Variants in TBC1D25 observed in about 807,000 individuals in gnomAD.
TBC1D25 encodes TBC1 domain family member 25.
Under a neutral mutation model 38.8 loss-of-function variants are expected in TBC1D25, and 13 were observed. The observed-to-expected ratio is 0.34, with a 90% CI of 0.22 to 0.53. The LOEUF (loss-of-function observed/expected upper bound fraction) is 0.53, where lower values mean the gene tolerates loss of function less well. Ranked by LOEUF, TBC1D25 falls within the 20% of genes least tolerant of loss-of-function variation. TBC1D25 has a pLI of 0.94. For missense variants in TBC1D25, 372 were observed against 600.0 expected, an observed-to-expected ratio of 0.62 and a Z score of 3.97; for synonymous variants, 225 against 255.6, an observed-to-expected ratio of 0.88 and a Z score of 1.14.
Position 48,559,949 on chromosome X carries a change from T to C in TBC1D25, c.1041T>C (p.His347=). The change falls in exon 6 of 6, where the codon CAT becomes CAC. Residue 347 remains histidine, a synonymous_variant. Transcript: ENST00000376771. ...CACCCATCCTCGCTGTCATGGACCA[T>C]GAGGGCCATGCCTTTGTTTGCTTTT... is the stretch of plus-strand genomic sequence containing the variant. ...LASPILAVMD[H]EGHAFVCFCG... 8.3e-7 allele frequency: 1 copy of C among 1,211,533 alleles called. No homozygotes were observed. The highest frequency in any genetic ancestry group is 1.1e-6 in the Non-Finnish European group (1 of 895,417).
chrX:48,549,746 C>G (rs1217506565), intron 3 of TBC1D25, among the ~76,000 whole-genome samples: 3 of 112,411 alleles, frequency 2.7e-5, no homozygotes, highest in Non-Finnish European at 5.6e-5. Context: ...AGTGATCCAC[C>G]TGCCTGGGCC....
chrX:48,555,104 T>C (rs1338777388), intron 3 of TBC1D25, among the ~76,000 whole-genome samples: 2 of 110,900 alleles, frequency 1.8e-5, no homozygotes, highest in Admixed American at 1.9e-4. Flanking sequence ...TTGGCGGTGG[T>C]TTGGACCTGG....
In TBC1D25 at chrX:48,560,074, C is replaced by G. The variant is rs1556985682; in HGVS notation, c.1166C>G (p.Pro389Arg). The change falls in exon 6 of 6, where the codon CCT (proline) becomes CGT (arginine). Residue 389 changes from proline to arginine, a missense_variant. Physicochemically the swap from Pro to Arg is moderately radical, Grantham distance 103 (BLOSUM62 -2). This residue lies in a region of TBC1D25 where 312 missense variants were observed against 549.3 expected (regional missense o/e 0.57). Coordinates refer to ENST00000376771, the MANE Select transcript of TBC1D25 (RefSeq NM_002536.4). ...HLKLLLRHAD[P>R]DFYQYLQEAG... ...AAGCTGTTGCTGCGACACGCTGACC[C>G]TGACTTTTATCAATACCTGCAAGAG... The G allele has an allele frequency of 8.3e-7, 1 of 1,209,862 alleles. No homozygotes were observed. The highest frequency in any genetic ancestry group is 1.1e-6 in the Non-Finnish European group (1 of 894,403).
intron 1 of TBC1D25, among the ~76,000 whole-genome samples, chrX:48,541,043 A>T (rs2061834751): frequency 9.0e-6 from 1 of 111,684 alleles, no homozygotes; most frequent in Non-Finnish European, 1.9e-5. Context: ...GAAGCAGGGG[A>T]GTGTTGTAGG....
intron 2 of TBC1D25, among the ~76,000 whole-genome samples, chrX:48,542,505 G>C (rs1318765583): frequency 1.2e-5 from 1 of 80,206 alleles, no homozygotes; most frequent in Non-Finnish European, 2.4e-5. Flanking sequence ...TTTTTTTTTT[G>C]GAGACAGAGT....
rs113385415 is a variant in TBC1D25, at chrX:48,543,610, C to T, written c.234-1259C>T. 2.4e-3 allele frequency among the ~76,000 whole-genome samples: 252 copies of T among 105,887 alleles called. 2 individuals carry two copies. The highest frequency in any genetic ancestry group is 8.2e-3 in the African/African-American group (239 of 29,198). 92.0% of individuals were successfully genotyped at this position (105,887 alleles called of 115,157 possible). On this transcript the variant is annotated intron_variant, in intron 2 of 5. Transcript: ENST00000376771. Reference sequence around the variant, plus strand: ...TTATCAATTTATGATCTCAGCCGGGCGCTGTGGCTCATGCCTGTAATCCCA... The same window carrying T: ...TTATCAATTTATGATCTCAGCCGGGTGCTGTGGCTCATGCCTGTAATCCCA...
At position 48,558,966 on chromosome X, in the gene TBC1D25, A is replaced by G; in HGVS notation, c.458A>G (p.Glu153Gly). 1 of 1,211,754 alleles carries G rather than the reference A, an allele frequency of 8.3e-7. No individual in the cohort carries two copies. Residue 153 changes from glutamate to glycine, a missense_variant, in exon 4 of 6, where the codon GAG (glutamate) becomes GGG (glycine). Glu to Gly is a moderately conservative substitution (Grantham distance 98). Transcript: ENST00000376771. ...DVIGSDVLLA[E>G]KRSSLTTAAL... is the part of the protein sequence containing the mutation. ...ATTGGCTCCGACGTGTTGCTGGCTG[A>G]GAAACGGTCATCACTGACGACTGCC...
intron 3 of TBC1D25, among the ~76,000 whole-genome samples, chrX:48,548,928 A>G (rs1189779347): frequency 1.8e-5 from 2 of 112,767 alleles, no homozygotes; most frequent in African/African-American, 6.4e-5. Flanking sequence ...TGAAAGCAAC[A>G]GACATGTTGG....
intron 5 of TBC1D25, 58 bp downstream of exon 5, chrX:48,559,404 G>A (rs2062002537): frequency 2.6e-6 from 3 of 1,151,812 alleles, no homozygotes; most frequent in Non-Finnish European, 3.5e-6. Context: ...AACAGCTCCT[G>A]AGACACATGC....
At chrX:48,548,501 T>G (rs2061904788) in intron 3 of TBC1D25, among the ~76,000 whole-genome samples, 1 of 112,392 alleles carries the variant, frequency 8.9e-6, no homozygotes, top group Admixed American at 9.5e-5. Flanking sequence ...ACTGTTCTTT[T>G]TATTTAATAA....
chrX:48,540,027 G>A, intron 1 of TBC1D25, 107 bp downstream of exon 1: 1 of 917,802 alleles, frequency 1.1e-6, no homozygotes. Context: ...GACATAACCT[G>A]AGCGGCGAAG....
Position 48,544,981 on chromosome X carries a change from C to G in TBC1D25, c.346C>G (p.Pro116Ala), listed in dbSNP as rs782786638. 38 of 1,210,147 alleles carry G rather than the reference C, an allele frequency of 3.1e-5. No homozygotes were observed. Among genetic ancestry groups the G allele is most frequent in the Non-Finnish European group, 3.6e-5 (32 of 895,258 alleles). Residue 116 changes from proline to alanine, a missense_variant, in exon 3 of 6, where the codon CCT (proline) becomes GCT (alanine). Physicochemically the swap from Pro to Ala is conservative, Grantham distance 27 (BLOSUM62 -1). Coordinates refer to ENST00000376771, the MANE Select transcript of TBC1D25 (RefSeq NM_002536.4). ...CACAGCCTTTGCCACTGCCTCCAAA[C>G]CTTACCTGCAATTGCGTGTAGATAT... ...LSTAFATASK[P>A]YLQLRVDIRP...
chrX:48,539,720 G>A lies in TBC1D25; in HGVS notation c.-78G>A. 1 of 933,744 alleles carries A rather than the reference G, an allele frequency of 1.1e-6. No homozygotes were observed. Among genetic ancestry groups the A allele is most frequent in the Non-Finnish European group, 1.3e-6 (1 of 752,254 alleles). The allele number at this position is 933,744 out of a possible 1,213,427, so 77.0% of individuals were successfully genotyped here. A position where few individuals can be genotyped will look rare whatever the true frequency, so the allele number is the denominator to read the frequency against. ...CTGCGCCCCGGCACGAGGTGGGGCG[G>A]CGGGCGTCAGTACAGTAGAGTGTGC... On this transcript the variant is annotated 5_prime_UTR_variant, in exon 1 of 6. Coordinates refer to ENST00000376771, the MANE Select transcript of TBC1D25 (RefSeq NM_002536.4).
chrX:48,550,661 CTTT>C (rs781811688), intron 3 of TBC1D25, among the ~76,000 whole-genome samples: 1 of 74,043 alleles, frequency 1.4e-5, no homozygotes. Context: ...TTTGTCTTAA[CTTT>C]TTTTTTTTTT....
At chrX:48,552,443 A>G (rs1286650197) in intron 3 of TBC1D25, among the ~76,000 whole-genome samples, 3 of 101,428 alleles carry the variant, frequency 3.0e-5, no homozygotes, top group Non-Finnish European at 5.9e-5. Flanking sequence ...CAACCTCTGC[A>G]TCCTGGGTTC....
intron 3 of TBC1D25, 133 bp from the exon 4 acceptor site, chrX:48,558,764 A>T: frequency 1.2e-6 from 1 of 846,943 alleles, no homozygotes; most frequent in Non-Finnish European, 1.6e-6. Context: ...CATGATTTGG[A>T]TGATACAGGA....
chrX:48,552,850 C>T (rs935392535), intron 3 of TBC1D25, among the ~76,000 whole-genome samples: 7 of 108,559 alleles, frequency 6.4e-5, no homozygotes, highest in African/African-American at 2.4e-4. Flanking sequence ...AGTGCTATGG[C>T]ACAATCTCAG....
At position 48,552,663 on chromosome X, in the gene TBC1D25, TC is replaced by T. The variant is rs2061944679; in HGVS notation, c.389-6233del. On this transcript the variant is annotated intron_variant, in intron 3 of 5. Transcript: ENST00000376771. ...ACTGCACCCCGCCCCAACAGTGAAATCTTTAGGCCACTTTTTCTCCTTTAAT... is the reference window on the plus strand; with the variant it reads ...ACTGCACCCCGCCCCAACAGTGAAATTTTAGGCCACTTTTTCTCCTTTAAT... Among the ~76,000 whole-genome samples the T allele has an allele frequency of 2.7e-5, 3 of 110,720 alleles. No individual in the cohort carries two copies. In the South Asian group the frequency reaches 1.1e-3, roughly 41 times the overall value.
chrX:48,548,406 G>A (rs2061904072), intron 3 of TBC1D25, among the ~76,000 whole-genome samples: 1 of 111,337 alleles, frequency 9.0e-6, no homozygotes, highest in Non-Finnish European at 1.9e-5. Flanking sequence ...AAGAGCCACC[G>A]CACCCAGCCT....
Sources: gnomAD v4.1 joint callset for allele counts (sites outside exome capture counted in the v4.1 genomes callset) on GRCh38, gnomAD v4.1.1 for gene constraint, gnomAD v4.1.1 regional missense constraint, MANE v1.5 for transcripts, NCBI Gene and HGNC (gene_info 2026-07-23, HGNC 2026-07-21) for gene names.